Variants in CACNB2 observed in about 807,000 individuals in gnomAD.
The protein encoded by CACNB2 is voltage-dependent L-type calcium channel subunit beta-2.
A neutral mutation model predicts 73.3 loss-of-function variants in CACNB2; 42 were observed. The ratio of observed to expected loss-of-function variants is 0.57; its 90% CI spans 0.45 to 0.74. CACNB2 has a LOEUF of 0.74. Ranked by LOEUF, CACNB2 falls within the 30% of genes least tolerant of loss-of-function variation. The probability of loss-of-function intolerance (pLI) is 0.00; values close to 1 mark genes in which losing one functional copy is unlikely to be tolerated. For synonymous variants in CACNB2, 348 were observed against 310.3 expected (o/e 1.12, Z -1.28); for missense variants, 940 against 853.0 (o/e 1.10, Z -1.27).
At position 18,534,078 on chromosome 10, in the gene CACNB2, G is replaced by C. The variant is rs1377640603; in HGVS notation, c.1057G>C (p.Glu353Gln). The C allele has an allele frequency of 6.2e-7, 1 of 1,614,008 alleles. No homozygotes were observed. The highest frequency in any genetic ancestry group is 2.2e-5 in the East Asian group (1 of 44,860). Reference protein sequence around the residue: ...ERSNTRSSLAEVQSEIERIFE... With the variant: ...ERSNTRSSLAQVQSEIERIFE... The stretch of plus-strand genomic sequence containing the variant: ...CTGAATTGTTTCGCCCTTTACAGCG[G>C]AAGTTCAGAGTGAAATCGAAAGGAT... The change falls in exon 11 of 14, where the codon GAA (glutamate) becomes CAA (glutamine). Residue 353 changes from glutamate to glutamine, a missense_variant and splice_region_variant. Coordinates refer to ENST00000324631, the MANE Select transcript of CACNB2 (RefSeq NM_201596.3).
At chr10:18,395,877 G>T (rs1427540038) in intron 2 of CACNB2, among the ~76,000 whole-genome samples, 1 of 152,128 alleles carries the variant, frequency 6.6e-6, no homozygotes, top group African/African-American at 2.4e-5. Flanking sequence ...CAATGTTTAT[G>T]CAACTGTCCC....
At chr10:18,316,491 T>C (rs1367657227) in intron 2 of CACNB2, among the ~76,000 whole-genome samples, 1 of 150,244 alleles carries the variant, frequency 6.7e-6, no homozygotes, top group East Asian at 1.9e-4. Flanking sequence ...TAAGACAGAG[T>C]CTCGCACTGT....
chr10:18,352,317 TACA>T (rs2041743632), intron 2 of CACNB2, among the ~76,000 whole-genome samples: 1 of 152,218 alleles, frequency 6.6e-6, no homozygotes, highest in Admixed American at 6.5e-5. Context: ...CCTTAATTCT[TACA>T]ACACCAACAG....
At chr10:18,424,319 G>A (rs1181675031) in intron 3 of CACNB2, among the ~76,000 whole-genome samples, 1 of 152,208 alleles carries the variant, frequency 6.6e-6, no homozygotes, top group East Asian at 1.9e-4. Flanking sequence ...GCTGAGGGGA[G>A]TTTTGCAGTC....
intron 3 of CACNB2, among the ~76,000 whole-genome samples, chr10:18,448,492 AAAAAAAAAAG>A (rs1305056571): frequency 1.3e-5 from 2 of 150,916 alleles, no homozygotes; most frequent in African/African-American, 4.9e-5. Flanking sequence ...AAAAAAAAAA[AAAAAAAAAAG>A]AAAAGAAAAG....
At chr10:18,301,963 T>C (rs1164674040) in intron 2 of CACNB2, among the ~76,000 whole-genome samples, 2 of 152,040 alleles carry the variant, frequency 1.3e-5, no homozygotes, top group Non-Finnish European at 2.9e-5. Context: ...TTCTAATACA[T>C]AGGAAGGAGA....
At chr10:18,331,255 A>G (rs2040795519) in intron 2 of CACNB2, among the ~76,000 whole-genome samples, 1 of 151,896 alleles carries the variant, frequency 6.6e-6, no homozygotes, top group South Asian at 2.1e-4. Context: ...AAGTGCTGGA[A>G]TTACAGGCAT....
chr10:18,198,429 GCAC>G (rs1247389599), intron 2 of CACNB2, among the ~76,000 whole-genome samples: 1 of 152,046 alleles, frequency 6.6e-6, no homozygotes, highest in African/African-American at 2.4e-5. Flanking sequence ...TCACCACGCT[GCAC>G]TCTGCAAAGC....
chr10:18,441,695 C>T (rs2046418020), intron 3 of CACNB2, among the ~76,000 whole-genome samples: 1 of 152,148 alleles, frequency 6.6e-6, no homozygotes, highest in South Asian at 2.1e-4. Flanking sequence ...AATGCAATGG[C>T]ACAGTCACAG....
chr10:18,530,554 C>T (rs113279226), intron 10 of CACNB2, among the ~76,000 whole-genome samples: 1 of 148,524 alleles, frequency 6.7e-6, no homozygotes, highest in African/African-American at 2.5e-5. Flanking sequence ...CCAACTGCAT[C>T]TAACACCAAA....
intron 2 of CACNB2, among the ~76,000 whole-genome samples, chr10:18,168,036 T>C (rs2032976833): frequency 6.6e-6 from 1 of 152,090 alleles, no homozygotes; most frequent in African/African-American, 2.4e-5. Context: ...TCTTAATGAG[T>C]AATCATGCAG....
chr10:18,286,177 C>A (rs1348798172), intron 2 of CACNB2, among the ~76,000 whole-genome samples: 3 of 152,212 alleles, frequency 2.0e-5, no homozygotes, highest in South Asian at 4.1e-4. Flanking sequence ...CAAAGTTGAT[C>A]CCACAAAGAA....
chr10:18,533,907 C>G (rs550448919), intron 10 of CACNB2, among the ~76,000 whole-genome samples, 169 bp from the exon 11 acceptor site: 3 of 152,334 alleles, frequency 2.0e-5, no homozygotes, highest in African/African-American at 7.2e-5. Flanking sequence ...TGTGGAGAAA[C>G]AGCCCTTTCC....
intron 2 of CACNB2, among the ~76,000 whole-genome samples, chr10:18,398,804 G>T (rs948025624): frequency 4.6e-5 from 7 of 151,988 alleles, no homozygotes; most frequent in Non-Finnish European, 1.0e-4. Flanking sequence ...CTACTCTAAA[G>T]ATCAATTGGT....
chr10:18,366,415 A>G (rs2042352722), intron 2 of CACNB2, among the ~76,000 whole-genome samples: 1 of 151,250 alleles, frequency 6.6e-6, no homozygotes, highest in South Asian at 2.1e-4. Context: ...CAGTAAGCCA[A>G]GATCGCGCCA....
At chr10:18,267,105 A>C (rs1174492208) in intron 2 of CACNB2, among the ~76,000 whole-genome samples, 1 of 152,062 alleles carries the variant, frequency 6.6e-6, no homozygotes, top group African/African-American at 2.4e-5. Context: ...TTTAAGGGTG[A>C]TATTTGGCTT....
chr10:18,517,873 A>G (rs971983414), intron 7 of CACNB2, among the ~76,000 whole-genome samples: 24 of 152,364 alleles, frequency 1.6e-4, no homozygotes, highest in African/African-American at 5.3e-4. Context: ...TTACACAGGT[A>G]AGACAAAAAC....
At chr10:18,403,319 A>G (rs1178810364) in intron 3 of CACNB2, among the ~76,000 whole-genome samples, 1 of 152,240 alleles carries the variant, frequency 6.6e-6, no homozygotes, top group African/African-American at 2.4e-5. Context: ...AATGAAGAAC[A>G]TTAAATAATG....
At position 18,286,431 on chromosome 10, in the gene CACNB2, T is replaced by G. The variant is rs1264992227; in HGVS notation, c.214-115493T>G. On this transcript the variant is annotated intron_variant, in intron 2 of 13. Coordinates refer to ENST00000324631, the MANE Select transcript of CACNB2 (RefSeq NM_201596.3). Reference sequence around the variant, plus strand: ...TACTCGGGAGGCTGAGGCAGGAAAATGGCGTGAACCCTGCAGGTGGAGCTT... The same window carrying G: ...TACTCGGGAGGCTGAGGCAGGAAAAGGGCGTGAACCCTGCAGGTGGAGCTT... Among the ~76,000 whole-genome samples, 3 of 138,122 alleles carry G rather than the reference T, an allele frequency of 2.2e-5. No homozygotes were observed. The East Asian group carries it at 6.8e-4, about 31-fold the overall frequency. The allele number at this position is 138,122 out of a possible 152,430, so 90.6% of individuals were successfully genotyped here.
Sources: allele counts gnomAD v4.1 joint callset (sites outside exome capture counted in the v4.1 genomes callset), GRCh38; gene constraint gnomAD v4.1.1; transcripts MANE v1.5; gene names NCBI Gene and HGNC (gene_info 2026-07-23, HGNC 2026-07-21).